The following KDM4C variants were observed in gnomAD, a reference collection of about 807,000 sequenced individuals.
KDM4C encodes the protein lysine demethylase 4C.
In KDM4C, 81 loss-of-function variants were observed where a neutral mutation model predicts 129.3. The ratio of observed to expected loss-of-function variants is 0.63; its 90% CI spans 0.52 to 0.75. The LOEUF (loss-of-function observed/expected upper bound fraction) is 0.75, where lower values mean the gene tolerates loss of function less well. Ranked by LOEUF, KDM4C falls within the 30% of genes least tolerant of loss-of-function variation. The pLI is 0.00. For missense variants in KDM4C, 1,457 were observed against 1,304.0 expected (o/e 1.12, Z -1.81); for synonymous variants, 573 against 456.1 (o/e 1.26, Z -3.26).
At chr9:6,890,373 C>G (rs1845942993) in intron 7 of KDM4C, among the ~76,000 whole-genome samples, 1 of 152,170 alleles carries the variant, frequency 6.6e-6, no homozygotes, top group Non-Finnish European at 1.5e-5. Flanking sequence ...TAGTAACGTA[C>G]TCTTCCTCTT....
chr9:6,832,908 T>C (rs7037306), intron 4 of KDM4C, among the ~76,000 whole-genome samples: 1 of 148,910 alleles, frequency 6.7e-6, no homozygotes, highest in East Asian at 2.0e-4. Flanking sequence ...TTGTATTTTT[T>C]TTTTTTTAGT....
intron 10 of KDM4C, among the ~76,000 whole-genome samples, chr9:6,986,005 C>T (rs1007774985): frequency 1.3e-5 from 2 of 152,214 alleles, no homozygotes; most frequent in South Asian, 4.1e-4. Flanking sequence ...ATCATGCTTT[C>T]TCTTACACTG....
At chr9:6,841,048 G>T (rs961041661) in intron 4 of KDM4C, among the ~76,000 whole-genome samples, 2 of 152,146 alleles carry the variant, frequency 1.3e-5, no homozygotes, top group Non-Finnish European at 2.9e-5. Flanking sequence ...TGATGACTTC[G>T]TTAAGTTACG....
chr9:6,810,283 T>G (rs1320353051), intron 3 of KDM4C, among the ~76,000 whole-genome samples: 1 of 152,202 alleles, frequency 6.6e-6, no homozygotes, highest in Non-Finnish European at 1.5e-5. Flanking sequence ...AAGATAGCCA[T>G]TCAGGTGACA....
chr9:7,169,852 T>C lies in KDM4C; in HGVS notation c.2956T>C (p.Leu986=). 9.9e-6 allele frequency: 16 copies of C among 1,613,468 alleles called. No homozygotes were observed. The highest frequency in any genetic ancestry group is 1.4e-5 in the Non-Finnish European group (16 of 1,179,402). Residue 986 remains leucine (L), a synonymous_variant, in exon 21 of 22, where the codon TTA becomes CTA. Coordinates refer to ENST00000381309, the MANE Select transcript of KDM4C (RefSeq NM_015061.6). ...AATGAAGAGAGAGGACATCTACACT[T>C]TAGATGAAGAGTTACCCAAGAGAGT... ...IAMKREDIYT[L]DEELPKRVKA... is the part of the protein sequence containing the mutation.
intron 17 of KDM4C, among the ~76,000 whole-genome samples, chr9:7,060,772 G>A (rs138922596): frequency 5.9e-4 from 90 of 152,148 alleles, no homozygotes; most frequent in African/African-American, 2.1e-3. Context: ...GAGCCACTGT[G>A]CCTGGCCAGG....
chr9:7,079,926 C>G (rs970229581), intron 17 of KDM4C, among the ~76,000 whole-genome samples: 1 of 152,050 alleles, frequency 6.6e-6, no homozygotes, highest in Non-Finnish European at 1.5e-5. Flanking sequence ...CCCACAACTT[C>G]TTTTGCTTTA....
intron 15 of KDM4C, among the ~76,000 whole-genome samples, chr9:7,017,665 T>C (rs1156526517): frequency 6.6e-6 from 1 of 152,192 alleles, no homozygotes; most frequent in Non-Finnish European, 1.5e-5. Flanking sequence ...CTCAGCAGTG[T>C]ATGCCTCACT....
At chr9:6,784,820 G>T (rs1208593343) in intron 1 of KDM4C, among the ~76,000 whole-genome samples, 2 of 152,182 alleles carry the variant, frequency 1.3e-5, no homozygotes, top group African/African-American at 2.4e-5. Flanking sequence ...GCCCAGGCCT[G>T]GGGGGCCCTT....
rs1291576029 is a variant in KDM4C at position 7,144,124 on chromosome 9, G to GT, written c.2781+15896dup. Among the ~76,000 whole-genome samples the GT allele has an allele frequency of 3.3e-3, 483 of 146,690 alleles. 1 individual carries two copies. The highest frequency in any genetic ancestry group is 0.011 in the African/African-American group (444 of 39,764). On this transcript the variant is annotated intron_variant, in intron 19 of 21. Transcript: ENST00000381309. ...TTGTTTTTTTTTTGTTTTTGTTTTT[G>GT]TTTTTTTTGTGTGACTAGGTCTTGC...
intron 4 of KDM4C, among the ~76,000 whole-genome samples, chr9:6,848,308 TA>T (rs1322494314): frequency 6.6e-6 from 1 of 152,172 alleles, no homozygotes; most frequent in Non-Finnish European, 1.5e-5. Context: ...TAGAATTTGA[TA>T]AAAATATATG....
intron 6 of KDM4C, among the ~76,000 whole-genome samples, chr9:6,882,290 T>C (rs1844574752): frequency 6.6e-6 from 1 of 152,224 alleles, no homozygotes; most frequent in Admixed American, 6.5e-5. Context: ...ATTGCAAATA[T>C]GGAGGAGAAG....
At chr9:7,040,911 A>G (rs1828483295) in intron 15 of KDM4C, among the ~76,000 whole-genome samples, 1 of 151,604 alleles carries the variant, frequency 6.6e-6, no homozygotes, top group Admixed American at 6.6e-5. Context: ...TTTGATCTGT[A>G]GGTTGATATC....
intron 8 of KDM4C, among the ~76,000 whole-genome samples, chr9:6,957,356 G>A (rs1312056820): frequency 1.3e-5 from 2 of 152,146 alleles, no homozygotes; most frequent in African/African-American, 4.8e-5. Context: ...CTAGTTGCAA[G>A]AAGGAAAGCT....
chr9:6,963,146 T>C (rs939866159), intron 8 of KDM4C, among the ~76,000 whole-genome samples: 9 of 152,234 alleles, frequency 5.9e-5, no homozygotes, highest in African/African-American at 1.9e-4. Flanking sequence ...GATTGAGTTG[T>C]TAAATGCAGT....
intron 12 of KDM4C, among the ~76,000 whole-genome samples, chr9:7,007,895 A>G (rs563967825): frequency 6.6e-6 from 1 of 152,244 alleles, no homozygotes; most frequent in Non-Finnish European, 1.5e-5. Flanking sequence ...CCCATAAAAA[A>G]TAATTAGAAA....
intron 2 of KDM4C, 25 bp from the exon 3 acceptor site, chr9:6,805,574 T>A (rs1829817018): frequency 6.4e-7 from 1 of 1,554,206 alleles, no homozygotes; most frequent in South Asian, 1.2e-5. Flanking sequence ...CAAGATGATA[T>A]TTTATTTCAT....
intron 19 of KDM4C, among the ~76,000 whole-genome samples, chr9:7,140,130 G>C (rs894457482): frequency 2.0e-5 from 3 of 152,144 alleles, no homozygotes; most frequent in Non-Finnish European, 4.4e-5. Flanking sequence ...CCATGTATTA[G>C]GAGACAGCCT....
chr9:7,110,414 A>C (rs992033534), intron 18 of KDM4C, among the ~76,000 whole-genome samples: 1 of 152,134 alleles, frequency 6.6e-6, no homozygotes, highest in Non-Finnish European at 1.5e-5. Context: ...GGCTTTAATA[A>C]ATTTATTTTT....
Sources: gnomAD v4.1 joint callset for allele counts (sites outside exome capture counted in the v4.1 genomes callset) on GRCh38, gnomAD v4.1.1 for gene constraint, MANE v1.5 for transcripts, NCBI Gene and HGNC (gene_info 2026-07-23, HGNC 2026-07-21) for gene names.